SORBS2: variants seen among roughly 807,000 people sequenced by gnomAD.
The protein encoded by SORBS2 is sorbin and SH3 domain-containing protein 2.
In SORBS2, 46 loss-of-function variants were observed where a neutral mutation model predicts 97.7. The ratio of observed to expected loss-of-function variants is 0.47; its 90% CI spans 0.37 to 0.60. The LOEUF (loss-of-function observed/expected upper bound fraction) is 0.60. Among genes scored for constraint, SORBS2 ranks in the 20% least tolerant of loss-of-function variants. The pLI, the probability that SORBS2 is intolerant of heterozygous loss-of-function variation, is 0.00. For missense variants in SORBS2, 1,316 were observed against 1,282.3 expected (o/e 1.03, Z -0.40); for synonymous variants, 476 against 473.4 (o/e 1.01, Z -0.07).
intron 2 of SORBS2, among the ~76,000 whole-genome samples, chr4:185,709,320 T>TTTTTTC (rs1181008953): frequency 7.1e-5 from 10 of 140,976 alleles, no homozygotes; most frequent in African/African-American, 2.4e-4. Flanking sequence ...TTTTTTTTTT[T>TTTTTTC]TTTTAGTAAA....
At chr4:185,833,842 G>A (rs573744376) in intron 1 of SORBS2, among the ~76,000 whole-genome samples, 59 of 152,116 alleles carry the variant, frequency 3.9e-4, no homozygotes, top group Middle Eastern at 3.4e-3. Flanking sequence ...GAAATAATTC[G>A]TTTCATATAT....
intron 1 of SORBS2, among the ~76,000 whole-genome samples, chr4:185,805,142 A>G (rs1459415539): frequency 6.6e-6 from 1 of 152,072 alleles, no homozygotes. Context: ...TCACCATATG[A>G]TGTGTTGCAT....
chr4:185,832,220 A>G (rs2099205537), intron 1 of SORBS2, among the ~76,000 whole-genome samples: 1 of 152,220 alleles, frequency 6.6e-6, no homozygotes, highest in Admixed American at 6.5e-5. Flanking sequence ...AATCTTTTCT[A>G]GGCACTAGTT....
chr4:185,649,363 T>C, intron 3 of SORBS2, 104 bp downstream of exon 12: 1 of 928,938 alleles, frequency 1.1e-6, no homozygotes, highest in Non-Finnish European at 1.6e-6. Flanking sequence ...AGATTACACA[T>C]CCGCTCTCTC....
upstream of SORBS2, among the ~76,000 whole-genome samples, chr4:185,659,474 T>G (rs71624710): frequency 0.16 from 24,439 of 151,346 alleles, 2,104 homozygotes; most frequent in East Asian, 0.25. Context: ...TGGAGTGCAG[T>G]GGCGCGATCT....
At chr4:185,646,594 C>A in intron 4 of SORBS2, 74 bp downstream of exon 13, 1 of 846,612 alleles carries the variant, frequency 1.2e-6, no homozygotes, top group Non-Finnish European at 2.0e-6. Flanking sequence ...GCTAATGGGT[C>A]TGAAATTCAG....
chr4:185,772,840 C>A (rs995546014), intron 2 of SORBS2: 1 of 152,208 alleles, frequency 6.6e-6, no homozygotes, highest in Non-Finnish European at 1.5e-5. Context: ...CACCAGAAGT[C>A]ACCTGGCCTT....
chr4:185,643,602 G>A (rs936621670), intron 4 of SORBS2, among the ~76,000 whole-genome samples: 6 of 152,126 alleles, frequency 3.9e-5, no homozygotes, highest in Admixed American at 1.3e-4. Context: ...ACAATTGTGG[G>A]CCAGAAGAGA....
chr4:185,788,657 C>A (rs1277489474), intron 1 of SORBS2, among the ~76,000 whole-genome samples: 1 of 152,138 alleles, frequency 6.6e-6, no homozygotes, highest in Admixed American at 6.5e-5. Flanking sequence ...TATAATTATA[C>A]CCTGTAATGA....
intron 5 of SORBS2, among the ~76,000 whole-genome samples, chr4:185,630,205 A>AT (rs941455005): frequency 4.2e-4 from 64 of 152,136 alleles, no homozygotes; most frequent in African/African-American, 1.5e-3. Context: ...TTAATCTATA[A>AT]TTTTTTTCAA....
At chr4:185,819,504 G>A (rs199967664) in intron 1 of SORBS2, among the ~76,000 whole-genome samples, 10 of 152,166 alleles carry the variant, frequency 6.6e-5, no homozygotes, top group East Asian at 5.8e-4. Flanking sequence ...CTTTTCAGCC[G>A]GACGCCTTTT....
Position 185,626,857 on chromosome 4 carries a change from A to T in SORBS2, c.609T>A (p.Ser203=), listed in dbSNP as rs1802262. The change falls in exon 6 of 15, where the codon TCT becomes TCA. Residue 203 remains serine, a synonymous_variant. Coordinates refer to ENST00000418609, the Ensembl canonical transcript of SORBS2. The stretch of plus-strand genomic sequence containing the variant: ...CTTTTGCTCTTGATGGGGAAGAAGG[A>T]GAAGAGCTAGTGAAAGACTTTGTAA... 3,199 of 1,614,160 alleles carry T rather than the reference A, an allele frequency of 2.0e-3. 67 individuals are homozygous for T. In the African/African-American group the frequency reaches 0.036, roughly 18 times the overall value.
chr4:185,630,974 G>A (rs1420839605), intron 4 of SORBS2, among the ~76,000 whole-genome samples: 1 of 152,150 alleles, frequency 6.6e-6, no homozygotes, highest in Non-Finnish European at 1.5e-5. Context: ...CCTACAGAAA[G>A]GAATGGTTTG....
chr4:185,899,786 G>A (rs1343096374), intron 1 of SORBS2, among the ~76,000 whole-genome samples: 2 of 152,136 alleles, frequency 1.3e-5, no homozygotes, highest in Non-Finnish European at 2.9e-5. Flanking sequence ...ATACCTTCAG[G>A]CTTCGCACGT....
At chr4:185,644,520 G>C (rs1339326322) in intron 4 of SORBS2, among the ~76,000 whole-genome samples, 2 of 152,194 alleles carry the variant, frequency 1.3e-5, no homozygotes, top group African/African-American at 4.8e-5. Flanking sequence ...TGGCTGTACA[G>C]CAGCGACCAA....
chr4:185,923,471 A>ACTTTTTTTTTTTT (rs1491276775), intron 1 of SORBS2, among the ~76,000 whole-genome samples: 4 of 43,760 alleles, frequency 9.1e-5, no homozygotes, highest in South Asian at 5.9e-4. Flanking sequence ...TCTTTTTTTT[A>ACTTTTTTTTTTTT]ATTTTTTTTT....
At chr4:185,738,287 A>G (rs908054229) in intron 2 of SORBS2, among the ~76,000 whole-genome samples, 1 of 152,202 alleles carries the variant, frequency 6.6e-6, no homozygotes, top group Non-Finnish European at 1.5e-5. Context: ...TTAGAATGCC[A>G]TGTGTTTCAT....
chr4:185,780,472 T>C (rs2099023132), intron 1 of SORBS2, among the ~76,000 whole-genome samples: 1 of 152,116 alleles, frequency 6.6e-6, no homozygotes, highest in Admixed American at 6.5e-5. Context: ...TGCTGAACAA[T>C]GTAATGCATG....
intron 1 of SORBS2, among the ~76,000 whole-genome samples, chr4:185,874,173 G>C (rs566144164): frequency 6.6e-6 from 1 of 152,166 alleles, no homozygotes; most frequent in Non-Finnish European, 1.5e-5. Context: ...ACTACGGTTT[G>C]CTGAGGCGCT....
Sources: allele counts gnomAD v4.1 joint callset (sites outside exome capture counted in the v4.1 genomes callset), GRCh38; gene constraint gnomAD v4.1.1; transcripts MANE v1.5; gene names NCBI Gene and HGNC (gene_info 2026-07-23, HGNC 2026-07-21).